Variants in NEO1 observed in about 807,000 individuals in gnomAD.
NEO1 encodes the protein neogenin 1.
NEO1 carries 63 observed loss-of-function variants against 159.7 expected under a neutral mutation model. The ratio of observed to expected loss-of-function variants is 0.39; its 90% CI spans 0.32 to 0.49. The LOEUF is 0.49. Ranked by LOEUF, NEO1 falls within the 20% of genes least tolerant of loss-of-function variation. The pLI is 0.85. For synonymous variants in NEO1, 633 were observed against 662.0 expected (o/e 0.96, Z 0.67); for missense variants, 1,615 against 1,831.0 (o/e 0.88, Z 2.15).
intron 26 of NEO1, among the ~76,000 whole-genome samples, chr15:73,295,125 A>AATATATATATAAATATATAT (rs2042307111): frequency 1.0e-5 from 1 of 100,152 alleles, no homozygotes; most frequent in East Asian, 3.2e-4. Context: ...CTAAATATTA[A>AATATATATATAAATATATAT]ATATATATAT....
At chr15:73,086,081 C>T (rs1344921198) in intron 1 of NEO1, among the ~76,000 whole-genome samples, 4 of 152,150 alleles carry the variant, frequency 2.6e-5, no homozygotes, top group Admixed American at 2.6e-4. Flanking sequence ...TTACATTTGA[C>T]ATTTAGATTT....
At chr15:73,058,904 T>G (rs2067847018) in intron 1 of NEO1, among the ~76,000 whole-genome samples, 1 of 152,214 alleles carries the variant, frequency 6.6e-6, no homozygotes, top group Non-Finnish European at 1.5e-5. Context: ...CATTTCTGGT[T>G]TTCAGATGCA....
At chr15:73,166,330 C>T (rs2034566928) in intron 5 of NEO1, among the ~76,000 whole-genome samples, 1 of 152,194 alleles carries the variant, frequency 6.6e-6, no homozygotes. Context: ...ACCATTTGAA[C>T]TAACAGTTCC....
chr15:73,131,978 G>T (rs895303639), intron 4 of NEO1, among the ~76,000 whole-genome samples: 2 of 152,118 alleles, frequency 1.3e-5, no homozygotes, highest in African/African-American at 4.8e-5. Context: ...TCATTCTTCA[G>T]ATCTCAGCTT....
At chr15:73,238,367 A>G (rs1490678170) in intron 8 of NEO1, among the ~76,000 whole-genome samples, 1 of 142,790 alleles carries the variant, frequency 7.0e-6, no homozygotes, top group East Asian at 2.2e-4. Flanking sequence ...GTCTTGTTCA[A>G]TAAAATTCTC....
chr15:73,085,674 G>A (rs564448890), intron 1 of NEO1, among the ~76,000 whole-genome samples: 1 of 152,210 alleles, frequency 6.6e-6, no homozygotes, highest in South Asian at 2.1e-4. Context: ...ATTCTATTAG[G>A]TATTTTAGTG....
chr15:73,261,552 A>C (rs911002129), intron 15 of NEO1, among the ~76,000 whole-genome samples: 4 of 152,188 alleles, frequency 2.6e-5, no homozygotes, highest in African/African-American at 9.6e-5. Context: ...AATTGGAATT[A>C]AAATAACAAT....
rs548247711 is a variant in NEO1 at position 73,296,495 on chromosome 15, A to G, written c.3902-1853A>G. ...GGGAGGGTGTACGAGTCCCTCATCCATGGACCCAAGATCAGAGGTGCCACT... is the reference window on the plus strand; with the variant it reads ...GGGAGGGTGTACGAGTCCCTCATCCGTGGACCCAAGATCAGAGGTGCCACT... On this transcript the variant is annotated intron_variant, in intron 26 of 28. Transcript: ENST00000261908. Among the ~76,000 whole-genome samples, 6 of 152,160 alleles carry G rather than the reference A, an allele frequency of 3.9e-5. No homozygotes were observed. The South Asian group carries it at 6.2e-4, about 16-fold the overall frequency.
chr15:73,275,054 G>A (rs961307413), intron 21 of NEO1, among the ~76,000 whole-genome samples: 3 of 152,126 alleles, frequency 2.0e-5, no homozygotes, highest in Non-Finnish European at 2.9e-5. Context: ...TGATTAGACC[G>A]ATCATACCAA....
chr15:73,224,128 C>T (rs936656427), intron 7 of NEO1, among the ~76,000 whole-genome samples: 2 of 152,088 alleles, frequency 1.3e-5, no homozygotes, highest in Non-Finnish European at 2.9e-5. Context: ...AAGATAGGGC[C>T]CCAATCCCTT....
chr15:73,116,389 T>C (rs1283949099), intron 1 of NEO1, 151 bp from the exon 2 acceptor site: 2 of 588,540 alleles, frequency 3.4e-6, no homozygotes, highest in Middle Eastern at 4.8e-4. Flanking sequence ...GTAAATCTTA[T>C]TTATTAGACA....
chr15:73,218,436 C>T (rs912530316), intron 7 of NEO1, among the ~76,000 whole-genome samples: 2 of 151,918 alleles, frequency 1.3e-5, no homozygotes, highest in Admixed American at 1.3e-4. Flanking sequence ...TGATGCTGGC[C>T]TCATAAAATG....
At chr15:73,204,499 G>C (rs1271050319) in intron 7 of NEO1, among the ~76,000 whole-genome samples, 1 of 151,732 alleles carries the variant, frequency 6.6e-6, no homozygotes, top group East Asian at 1.9e-4. Context: ...TTGCATTTTA[G>C]TGTAGGAAGT....
At position 73,122,534 on chromosome 15, in the gene NEO1, G is replaced by A; in HGVS notation, c.458G>A (p.Arg153Lys). 1 of 1,613,594 alleles carries A rather than the reference G, an allele frequency of 6.2e-7. No individual in the cohort carries two copies. Among genetic ancestry groups the A allele is most frequent in the East Asian group, 2.2e-5 (1 of 44,868 alleles). The change falls in exon 3 of 29, where the codon AGA (arginine) becomes AAA (lysine). Residue 153 changes from arginine (R) to lysine (K), a missense_variant. Around this residue, in one of 3 missense-constraint regions of NEO1, gnomAD observed 1,018 missense variants for 1,115.4 expected, o/e 0.91. Coordinates refer to ENST00000261908, the MANE Select transcript of NEO1 (RefSeq NM_002499.4). ...TAKLIVAGLP[R>K]FTSQPEPSSV... is the part of the protein sequence containing the mutation. ...TTCCTTTATTGTCCAGGTCTTCCAAGATTTACCAGCCAACCAGAACCTTCC... is the reference window on the plus strand; with the variant it reads ...TTCCTTTATTGTCCAGGTCTTCCAAAATTTACCAGCCAACCAGAACCTTCC...
rs1246154939 is a variant in NEO1 at position 73,249,565 on chromosome 15, T to C, written c.1756-18T>C. ...TTGGCTTGAGTGCATATGTATAAAG[T>C]GTTTTATTTTATTCAAGGATGTTGA... On this transcript the variant is annotated intron_variant, in intron 10 of 28. Coordinates refer to ENST00000261908, the MANE Select transcript of NEO1 (RefSeq NM_002499.4). 10 of 1,584,270 alleles carry C rather than the reference T, an allele frequency of 6.3e-6. No homozygotes were observed. The highest frequency in any genetic ancestry group is 8.5e-6 in the Non-Finnish European group (10 of 1,169,960).
chr15:73,149,456 A>G (rs1484431684), intron 5 of NEO1, among the ~76,000 whole-genome samples: 1 of 152,246 alleles, frequency 6.6e-6, no homozygotes, highest in Non-Finnish European at 1.5e-5. Flanking sequence ...TATAGGGCAC[A>G]TTCTCATCTT....
intron 5 of NEO1, among the ~76,000 whole-genome samples, chr15:73,175,223 A>G (rs950697136): frequency 2.6e-5 from 4 of 152,230 alleles, no homozygotes; most frequent in Non-Finnish European, 1.5e-5. Flanking sequence ...AGCTAATGAG[A>G]TAATTTAGGA....
intron 11 of NEO1, among the ~76,000 whole-genome samples, chr15:73,249,947 A>T (rs759777928): frequency 1.3e-5 from 2 of 152,268 alleles, no homozygotes; most frequent in Non-Finnish European, 2.9e-5. Flanking sequence ...AGCATAGAGC[A>T]TAAAGTGCCT....
intron 1 of NEO1, among the ~76,000 whole-genome samples, chr15:73,099,435 T>G (rs1455388316): frequency 6.6e-6 from 1 of 152,126 alleles, no homozygotes; most frequent in Non-Finnish European, 1.5e-5. Context: ...TATGACAGGA[T>G]TTTTCTAACA....
Sources: allele counts gnomAD v4.1 joint callset (sites outside exome capture counted in the v4.1 genomes callset), GRCh38; gene constraint gnomAD v4.1.1; regional missense constraint gnomAD v4.1.1; transcripts MANE v1.5; gene names NCBI Gene and HGNC (gene_info 2026-07-23, HGNC 2026-07-21).